Variants in RANBP10 observed in about 807,000 individuals in gnomAD.
RANBP10 encodes RAN binding protein 10, also known as ran-binding protein 10.
A neutral mutation model predicts 72.8 loss-of-function variants in RANBP10; 24 were observed. The observed-to-expected ratio is 0.33, with a 90% CI of 0.24 to 0.46. RANBP10 has a LOEUF of 0.46. RANBP10 is among the 20% of genes least tolerant of loss of function. The probability of loss-of-function intolerance (pLI) is 1.00; values close to 1 mark genes in which losing one functional copy is unlikely to be tolerated. For missense variants in RANBP10, 679 were observed against 817.5 expected, an observed-to-expected ratio of 0.83 and a Z score of 2.07; for synonymous variants, 310 against 322.3, an observed-to-expected ratio of 0.96 and a Z score of 0.41.
At chr16:67,738,871 G>A (rs1051826526) in intron 4 of RANBP10, 3 of 152,194 alleles carry the variant, frequency 2.0e-5, no homozygotes, top group African/African-American at 4.8e-5. Context: ...GCCTGCTAAG[G>A]GGAACTAAAT....
chr16:67,740,795 C>T (rs780819289), intron 4 of RANBP10, among the ~76,000 whole-genome samples: 3 of 152,242 alleles, frequency 2.0e-5, no homozygotes, highest in Non-Finnish European at 4.4e-5. Flanking sequence ...CTGAGGGACG[C>T]TCATAAGCCG....
chr16:67,759,993 G>C (rs142148586), intron 3 of RANBP10, among the ~76,000 whole-genome samples: 2 of 151,914 alleles, frequency 1.3e-5, no homozygotes, highest in Non-Finnish European at 2.9e-5. Flanking sequence ...CCAGCTACTC[G>C]GGACGCTGAA....
chr16:67,741,047 TTATA>T (rs968099038), intron 4 of RANBP10, among the ~76,000 whole-genome samples: 1 of 152,238 alleles, frequency 6.6e-6, no homozygotes, highest in African/African-American at 2.4e-5. Flanking sequence ...GCTCCGTAAA[TTATA>T]TATAGTGTGA....
Position 67,772,063 on chromosome 16 carries a change from G to A in RANBP10, c.371C>T (p.Ala124Val), listed in dbSNP as rs2054616832. ...RDGYMGIGLS[A>V]QGVNMNRLPG... ...AAGTCTGTTCATGTTGACGCCTTGA[G>A]CCGAGAGTCCTATTCCCATGTAACT... is the stretch of plus-strand genomic sequence containing the variant. Residue 124 changes from alanine to valine, a missense_variant, in exon 3 of 14, where the codon GCT becomes GTT. Physicochemically the swap from Ala to Val is moderately conservative, Grantham distance 64. Transcript: ENST00000317506. The A allele has an allele frequency of 6.3e-7, 1 of 1,594,012 alleles. No individual in the cohort carries two copies. Among genetic ancestry groups the A allele is most frequent in the African/African-American group, 1.4e-5 (1 of 70,994 alleles).
intron 3 of RANBP10, among the ~76,000 whole-genome samples, chr16:67,749,490 C>T (rs1014010384): frequency 1.3e-5 from 2 of 152,162 alleles, no homozygotes; most frequent in South Asian, 2.1e-4. Context: ...AAAGCCTCTA[C>T]CTGGATCCAG....
chr16:67,754,534 G>A (rs2054253506), intron 3 of RANBP10, among the ~76,000 whole-genome samples: 1 of 152,196 alleles, frequency 6.6e-6, no homozygotes, highest in Non-Finnish European at 1.5e-5. Context: ...CACCCCTTGT[G>A]AACCTGCTCC....
intron 12 of RANBP10, 101 bp downstream of exon 12, chr16:67,727,650 G>A (rs1229454714): frequency 1.9e-6 from 3 of 1,556,058 alleles, no homozygotes; most frequent in South Asian, 1.2e-5. Flanking sequence ...AGACCTGGCT[G>A]GAGCCCACTC....
chr16:67,729,403 G>A lies in RANBP10; in HGVS notation c.1229C>T (p.Ser410Phe), dbSNP rs779278401. ...QNHSKYPAPS[S>F]SSSSSSSSSS... ...GGAGGAGGAGGAGGACGAGGATGAGGAGCTGGGTGCAGGGTATTTACTGTG... is the reference window on the plus strand; with the variant it reads ...GGAGGAGGAGGAGGACGAGGATGAGAAGCTGGGTGCAGGGTATTTACTGTG... Residue 410 changes from serine (S) to phenylalanine (F), a missense_variant, in exon 10 of 14, where the codon TCC becomes TTC. By Grantham distance (155) the Ser-to-Phe change is radical. Coordinates refer to ENST00000317506, the MANE Select transcript of RANBP10 (RefSeq NM_020850.3). The surrounding 1 kb of genome is among the most constrained non-coding windows in gnomAD (Gnocchi z 7.1). 4.3e-6 allele frequency: 7 copies of A among 1,613,820 alleles called. No homozygotes were observed. The highest frequency in any genetic ancestry group is 4.5e-5 in the East Asian group (2 of 44,876).
chr16:67,783,987 G>A (rs1336684931), intron 2 of RANBP10, among the ~76,000 whole-genome samples: 6 of 146,986 alleles, frequency 4.1e-5, no homozygotes, highest in Non-Finnish European at 7.4e-5. Context: ...AGGTTGCAGT[G>A]AGCCAAGATG....
In RANBP10 at chr16:67,755,541, G is replaced by A. The variant is rs946879971; in HGVS notation, c.401-11086C>T. Among the ~76,000 whole-genome samples the A allele has an allele frequency of 2.0e-5, 3 of 152,006 alleles. No individual in the cohort carries two copies. In the South Asian group the frequency reaches 6.2e-4, roughly 32 times the overall value. On this transcript the variant is annotated intron_variant, in intron 3 of 13. Coordinates refer to ENST00000317506, the MANE Select transcript of RANBP10 (RefSeq NM_020850.3). ...TCTACTAAACATACAAAAATTAGCC[G>A]GGCATTGTGGTACATGCCTGTAATC...
Position 67,726,354 on chromosome 16 carries a change from T to C in RANBP10, c.*74A>G. The C allele has an allele frequency of 1.3e-6, 2 of 1,595,112 alleles. No homozygotes were observed. Among genetic ancestry groups the C allele is most frequent in the East Asian group, 4.5e-5 (2 of 44,380 alleles). On this transcript the variant is annotated 3_prime_UTR_variant, in exon 14 of 14. Coordinates refer to ENST00000317506, the MANE Select transcript of RANBP10 (RefSeq NM_020850.3). ...TATGGTTTCCCAGTCCCTGCACCAGTTGCCTATGGAGGGCAGGGCAGCTCC... is the reference window on the plus strand; with the variant it reads ...TATGGTTTCCCAGTCCCTGCACCAGCTGCCTATGGAGGGCAGGGCAGCTCC...
Position 67,787,195 on chromosome 16 carries a change from C to T in RANBP10, c.348-15109G>A, listed in dbSNP as rs61056772. Among the ~76,000 whole-genome samples, 1,469 of 152,022 alleles carry T rather than the reference C, an allele frequency of 9.7e-3. 21 individuals are homozygous for T. Among genetic ancestry groups the T allele is most frequent in the African/African-American group, 0.033 (1,369 of 41,468 alleles). ...CAAAAGTTCCAATGAGCTGAGATAGCGCCAGTGCACTCTAGCCTGGGTGAC... is the reference window on the plus strand; with the variant it reads ...CAAAAGTTCCAATGAGCTGAGATAGTGCCAGTGCACTCTAGCCTGGGTGAC... On this transcript the variant is annotated intron_variant, in intron 2 of 13. Transcript: ENST00000317506.
At chr16:67,733,386 AATT>A (rs1194174919) in intron 6 of RANBP10, among the ~76,000 whole-genome samples, 1 of 152,124 alleles carries the variant, frequency 6.6e-6, no homozygotes, top group African/African-American at 2.4e-5. Flanking sequence ...AAGTAAGTAT[AATT>A]ATTATTATTA....
At chr16:67,771,972 T>C in intron 3 of RANBP10, 62 bp downstream of exon 3, 2 of 1,567,354 alleles carry the variant, frequency 1.3e-6, no homozygotes, top group South Asian at 1.2e-5. Context: ...GCTACCACCA[T>C]GACTCTCAAC....
At chr16:67,769,854 G>A (rs1166808495) in intron 3 of RANBP10, among the ~76,000 whole-genome samples, 3 of 148,790 alleles carry the variant, frequency 2.0e-5, no homozygotes, top group Non-Finnish European at 4.5e-5. Flanking sequence ...CTGCTTGAAC[G>A]CAGCAGCTTG....
Position 67,806,415 on chromosome 16 carries a change from C to A in RANBP10, c.122G>T (p.Arg41Leu). The A allele has an allele frequency of 6.2e-7, 1 of 1,602,526 alleles. No individual in the cohort carries two copies. Among genetic ancestry groups the A allele is most frequent in the Non-Finnish European group, 8.5e-7 (1 of 1,175,214 alleles). Residue 41 changes from arginine (R) to leucine (L), a missense_variant, in exon 1 of 14, where the codon CGC (arginine) becomes CTC (leucine). By Grantham distance (102) the Arg-to-Leu change is moderately radical. Coordinates refer to ENST00000317506, the MANE Select transcript of RANBP10 (RefSeq NM_020850.3). The stretch of plus-strand genomic sequence containing the variant: ...TTGCTGGTTGACCGCGGGATACAGG[C>A]GCTGCAAGCGCCGGCTCAGCTCCTG... ...GEQELSRRLQ[R>L]LYPAVNQQET...
In RANBP10 at chr16:67,729,167, C is replaced by T; in HGVS notation, c.1352+113G>A. ...GGGCCAAAAATTAGGACTCCAGGCA[C>T]AGACCTGAGATGGAGGCTGGGGGTG... On this transcript the variant is annotated intron_variant, in intron 10 of 13. Transcript: ENST00000317506. The surrounding 1 kb of genome is among the most constrained non-coding windows in gnomAD (Gnocchi z 7.1). The T allele has an allele frequency of 1.3e-6, 2 of 1,519,866 alleles. No homozygotes were observed. The highest frequency in any genetic ancestry group is 2.3e-5 in the East Asian group (1 of 44,084). The allele number at this position is 1,519,866 out of a possible 1,614,324, so 94.1% of individuals were successfully genotyped here.
At chr16:67,785,039 A>G (rs1352291832) in intron 2 of RANBP10, among the ~76,000 whole-genome samples, 1 of 151,260 alleles carries the variant, frequency 6.6e-6, no homozygotes, top group Admixed American at 6.6e-5. Flanking sequence ...GTGAAACCCC[A>G]TCTCTACTAA....
intron 2 of RANBP10, among the ~76,000 whole-genome samples, chr16:67,804,399 CTTTTT>C (rs944906909): frequency 6.7e-6 from 1 of 148,424 alleles, no homozygotes; most frequent in African/African-American, 2.5e-5. Context: ...CTAATGCTGA[CTTTTT>C]TTTTTGTTTG....
Sources: allele counts gnomAD v4.1 joint callset (sites outside exome capture counted in the v4.1 genomes callset), GRCh38; gene constraint gnomAD v4.1.1; non-coding constraint Gnocchi (gnomAD v3.1); transcripts MANE v1.5; gene names NCBI Gene and HGNC (gene_info 2026-07-23, HGNC 2026-07-21).